Variants in SYNJ2 observed in about 807,000 individuals in gnomAD.
SYNJ2 encodes the protein synaptojanin 2, also known as polyphosphatidylinositol phosphatase SYNJ2.
Under a neutral mutation model 141.3 loss-of-function variants are expected in SYNJ2, and 116 were observed. That is an observed-to-expected ratio of 0.82 (90% CI 0.71 to 0.96). The LOEUF is 0.96. Among genes scored for constraint, SYNJ2 ranks in the 40% least tolerant of loss-of-function variants. The pLI is 0.00. For missense variants in SYNJ2, 1,873 were observed against 1,934.8 expected, an observed-to-expected ratio of 0.97 and a Z score of 0.60; for synonymous variants, 745 against 777.7, an observed-to-expected ratio of 0.96 and a Z score of 0.70.
chr6:157,982,080 C>A lies in SYNJ2; in HGVS notation c.119C>A (p.Ala40Asp). The A allele has an allele frequency of 7.5e-7, 1 of 1,335,804 alleles. No homozygotes were observed. The highest frequency in any genetic ancestry group is 1.9e-5 in the South Asian group (1 of 53,532). 82.7% of individuals were successfully genotyped at this position (1,335,804 alleles called of 1,614,324 possible). The change falls in exon 1 of 27, where the codon GCC (alanine) becomes GAC (aspartate). Residue 40 changes from alanine to aspartate, a missense_variant. Transcript: ENST00000355585. This position sits in a 1 kb window ranked among gnomAD's most constrained non-coding sequence, Gnocchi z 4.0. ...CTGCTGTTCGAGGCCGGCACGGTGG[C>A]CACGCTGGGTGAGTCCGGGCCGGGG... is the stretch of plus-strand genomic sequence containing the variant. ...DCLLFEAGTV[A>D]TLAPEEKEVI...
chr6:157,992,502 G>A (rs181210530), intron 1 of SYNJ2, among the ~76,000 whole-genome samples: 58 of 143,042 alleles, frequency 4.1e-4, no homozygotes, highest in Non-Finnish European at 4.8e-4. Context: ...TGCAACCTCC[G>A]CCTTCTGGGT....
intron 12 of SYNJ2, among the ~76,000 whole-genome samples, chr6:158,068,387 AG>A (rs1000734317): frequency 1.1e-4 from 16 of 152,206 alleles, no homozygotes; most frequent in Non-Finnish European, 1.6e-4. Flanking sequence ...AATGGCTACA[AG>A]GTTATATTAA....
At chr6:158,082,066 G>A (rs1451832417) in intron 20 of SYNJ2, among the ~76,000 whole-genome samples, 1 of 152,164 alleles carries the variant, frequency 6.6e-6, no homozygotes, top group Non-Finnish European at 1.5e-5. Flanking sequence ...AGGGCGGAAG[G>A]GTGGGCGCAG....
intron 7 of SYNJ2, among the ~76,000 whole-genome samples, chr6:158,060,818 C>T (rs111559550): frequency 0.014 from 2,103 of 152,272 alleles, 42 homozygotes; most frequent in African/African-American, 0.045. Context: ...CTGGTGAGGG[C>T]GGGAGATGGC....
At chr6:158,015,385 T>A (rs903240954) in intron 1 of SYNJ2, among the ~76,000 whole-genome samples, 2 of 152,186 alleles carry the variant, frequency 1.3e-5, no homozygotes, top group African/African-American at 4.8e-5. Flanking sequence ...AATGGTTCCA[T>A]CCAGCCCAAG....
chr6:158,078,099 T>G, intron 17 of SYNJ2, 65 bp from the exon 18 acceptor site: 1 of 1,065,234 alleles, frequency 9.4e-7, no homozygotes, highest in Non-Finnish European at 1.4e-6. Context: ...GGAAGTGTCA[T>G]GATCGCATTC....
chr6:158,061,839 G>A (rs1456795770), intron 7 of SYNJ2, among the ~76,000 whole-genome samples, 153 bp from the exon 8 acceptor site: 1 of 152,188 alleles, frequency 6.6e-6, no homozygotes, highest in African/African-American at 2.4e-5. Flanking sequence ...CCCTTTTGGG[G>A]TCAACTGCCT....
intron 12 of SYNJ2, among the ~76,000 whole-genome samples, chr6:158,068,313 C>T (rs755228894): frequency 1.3e-5 from 2 of 152,116 alleles, no homozygotes; most frequent in Admixed American, 6.5e-5. Flanking sequence ...GCAGCTGGAG[C>T]CATGACTGGG....
Position 158,084,168 on chromosome 6 carries a change from T to A in SYNJ2, c.3202T>A (p.Tyr1068Asn). 6 of 1,613,600 alleles carry A rather than the reference T, an allele frequency of 3.7e-6. No individual in the cohort carries two copies. Among genetic ancestry groups the A allele is most frequent in the Non-Finnish European group, 5.1e-6 (6 of 1,179,694 alleles). ...CACCAAAAAGAAGCAGCATCCAACG[T>A]ACAAAGGTAGCCTGACCCTTCTTTT... ...ALTKKKQHPT[Y>N]KDDADLVELK... Residue 1068 changes from tyrosine (Y) to asparagine (N), a missense_variant, in exon 22 of 27, where the codon TAC (tyrosine) becomes AAC (asparagine). Tyr to Asn is a moderately radical substitution (Grantham distance 143). Coordinates refer to ENST00000355585, the MANE Select transcript of SYNJ2 (RefSeq NM_003898.4). This position sits in a 1 kb window ranked among gnomAD's most constrained non-coding sequence, Gnocchi z 5.0.
chr6:158,063,978 C>G, intron 9 of SYNJ2, 106 bp downstream of exon 9: 2 of 1,160,858 alleles, frequency 1.7e-6, no homozygotes, highest in East Asian at 2.5e-5. Context: ...GTGGCATCAC[C>G]AAGACAACCT....
intron 4 of SYNJ2, 36 bp downstream of exon 4, chr6:158,033,716 T>C (rs1275199468): frequency 6.3e-7 from 1 of 1,575,190 alleles, no homozygotes; most frequent in African/African-American, 1.3e-5. Context: ...ACCAAATGGT[T>C]CCGAGTGGCT....
chr6:158,078,358 C>A, intron 18 of SYNJ2, 77 bp downstream of exon 18: 1 of 951,258 alleles, frequency 1.1e-6, no homozygotes, highest in Non-Finnish European at 1.7e-6. Context: ...AAAATGCATG[C>A]TGTCCCCATA....
At chr6:158,047,717 C>T (rs959395400) in intron 5 of SYNJ2, among the ~76,000 whole-genome samples, 4 of 121,794 alleles carry the variant, frequency 3.3e-5, no homozygotes, top group Non-Finnish European at 6.4e-5. Context: ...GCGGAGTTTG[C>T]AGTGAGCCAA....
chr6:157,986,692 C>T (rs1316810706), intron 1 of SYNJ2, among the ~76,000 whole-genome samples: 2 of 152,196 alleles, frequency 1.3e-5, no homozygotes, highest in African/African-American at 4.8e-5. Flanking sequence ...TTACCAGGCT[C>T]TTGTTTTGGC....
chr6:158,084,305 C>A lies in SYNJ2; in HGVS notation c.3208+131C>A. On this transcript the variant is annotated intron_variant, in intron 22 of 26. Transcript: ENST00000355585. The surrounding 1 kb of genome is among the most constrained non-coding windows in gnomAD (Gnocchi z 5.0). ...GGTCCCAGGAGAGACCTCAACCAGG[C>A]AGGCCAAGCGAGGGGTAGGGACTGA... 9.4e-7 allele frequency: 1 copy of A among 1,058,832 alleles called. No homozygotes were observed. The allele number at this position is 1,058,832 out of a possible 1,614,324, so 65.6% of individuals were successfully genotyped here.
rs1389957204 is a variant in SYNJ2 at position 158,069,603 on chromosome 6, T to TA, written c.1870_1871insA (p.Leu624TyrfsTer61). 7 of 1,614,100 alleles carry TA rather than the reference T, an allele frequency of 4.3e-6. No individual in the cohort carries two copies. Among genetic ancestry groups the TA allele is most frequent in the Non-Finnish European group, 5.1e-6 (6 of 1,179,964 alleles). On this transcript the variant is annotated frameshift_variant, in exon 14 of 27. Transcript: ENST00000355585. LOFTEE classifies it high-confidence loss of function. ...CTCACGCTCTCATAGATACATTCTG[T>TA]TGACTTCGGCACAGCTGGTGGGCGT...
At position 158,086,341 on chromosome 6, in the gene SYNJ2, T is replaced by C. The variant is rs567340582; in HGVS notation, c.3209-514T>C. On this transcript the variant is annotated intron_variant, in intron 22 of 26. Transcript: ENST00000355585. Reference sequence around the variant, plus strand: ...CAGGGCAGGTCAAGATGGCAGACCCTTGGGAGTGGCCAGCCATGGGCCCAC... The same window carrying C: ...CAGGGCAGGTCAAGATGGCAGACCCCTGGGAGTGGCCAGCCATGGGCCCAC... 2.0e-5 allele frequency among the ~76,000 whole-genome samples: 3 copies of C among 152,270 alleles called. No individual in the cohort carries two copies. The South Asian group carries it at 6.2e-4, about 32-fold the overall frequency.
intron 2 of SYNJ2, among the ~76,000 whole-genome samples, chr6:158,024,291 G>A (rs1258602009): frequency 6.6e-6 from 1 of 152,118 alleles, no homozygotes; most frequent in African/African-American, 2.4e-5. Context: ...TGGGCATGGG[G>A]GCTCATGCCT....
chr6:157,996,325 A>G (rs1279232947), intron 1 of SYNJ2, among the ~76,000 whole-genome samples: 2 of 151,968 alleles, frequency 1.3e-5, no homozygotes, highest in South Asian at 2.1e-4. Flanking sequence ...TCGCTGCTAC[A>G]TCGAGAGTGC....
Sources: allele counts gnomAD v4.1 joint callset (sites outside exome capture counted in the v4.1 genomes callset), GRCh38; gene constraint gnomAD v4.1.1; non-coding constraint Gnocchi (gnomAD v3.1); transcripts MANE v1.5; gene names NCBI Gene and HGNC (gene_info 2026-07-23, HGNC 2026-07-21).